The following CCDC6 variants were observed in gnomAD, a reference collection of about 807,000 sequenced individuals.
The protein encoded by CCDC6 is coiled-coil domain-containing protein 6.
A neutral mutation model predicts 56.6 loss-of-function variants in CCDC6; 20 were observed. The observed-to-expected ratio is 0.35, with a 90% CI of 0.25 to 0.51. The LOEUF (loss-of-function observed/expected upper bound fraction) is 0.51, where lower values mean the gene tolerates loss of function less well. Among genes scored for constraint, CCDC6 ranks in the 20% least tolerant of loss-of-function variants. The probability of loss-of-function intolerance (pLI) is 0.95; values close to 1 mark genes in which losing one functional copy is unlikely to be tolerated. For missense variants in CCDC6, 367 were observed against 601.1 expected, an observed-to-expected ratio of 0.61 and a Z score of 4.07; for synonymous variants, 241 against 234.4, an observed-to-expected ratio of 1.03 and a Z score of -0.26.
chr10:59,805,667 G>C (rs931369637), intron 6 of CCDC6: 5 of 152,162 alleles, frequency 3.3e-5, no homozygotes, highest in African/African-American at 1.2e-4. Context: ...ATTTTAGGAA[G>C]AATGGGGAAC....
chr10:59,885,717 T>C (rs1327400669), intron 1 of CCDC6, among the ~76,000 whole-genome samples: 1 of 152,152 alleles, frequency 6.6e-6, no homozygotes, highest in African/African-American at 2.4e-5. Context: ...TTTTTACCAA[T>C]TCTCTTCATG....
intron 3 of CCDC6, among the ~76,000 whole-genome samples, chr10:59,818,054 C>G (rs1459344434): frequency 6.6e-6 from 1 of 151,960 alleles, no homozygotes; most frequent in Non-Finnish European, 1.5e-5. Context: ...ATTGCTGGGT[C>G]CTGTCCAACC....
intron 2 of CCDC6, among the ~76,000 whole-genome samples, chr10:59,844,746 CAAAAAAA>C (rs56232975): frequency 6.1e-4 from 76 of 124,550 alleles, no homozygotes; most frequent in African/African-American, 2.0e-3. Flanking sequence ...AGACTATCTC[CAAAAAAA>C]AAAAAAAAAA....
At chr10:59,888,232 G>A (rs960352932) in intron 1 of CCDC6, among the ~76,000 whole-genome samples, 2 of 152,218 alleles carry the variant, frequency 1.3e-5, no homozygotes. Context: ...ATAGATGCCA[G>A]TCCATCTTCC....
intron 1 of CCDC6, among the ~76,000 whole-genome samples, chr10:59,868,636 C>G (rs553461389): frequency 2.6e-5 from 4 of 152,176 alleles, no homozygotes; most frequent in African/African-American, 7.2e-5. Context: ...TTATTCTTCA[C>G]GCTTTCCTCC....
intron 1 of CCDC6, among the ~76,000 whole-genome samples, chr10:59,886,978 C>G (rs537833117): frequency 6.6e-6 from 1 of 152,308 alleles, no homozygotes; most frequent in Admixed American, 6.5e-5. Flanking sequence ...TGAGAAAACC[C>G]TCTGACAGTG....
chr10:59,813,196 G>T lies in CCDC6; in HGVS notation c.687-401C>A, dbSNP rs16914207. Among the ~76,000 whole-genome samples, 307 of 152,188 alleles carry T rather than the reference G, an allele frequency of 2.0e-3. 3 individuals carry two copies. Among genetic ancestry groups the T allele is most frequent in the African/African-American group, 6.8e-3 (281 of 41,510 alleles). ...TTCCATTTTCTTACGGCTTTTGATTGAAGCTTCTAAGCTACTATGAATCTC... is the reference window on the plus strand; with the variant it reads ...TTCCATTTTCTTACGGCTTTTGATTTAAGCTTCTAAGCTACTATGAATCTC... On this transcript the variant is annotated intron_variant, in intron 4 of 8. Transcript: ENST00000263102.
At position 59,899,764 on chromosome 10, in the gene CCDC6, TAGAA is replaced by T. The variant is rs531734905; in HGVS notation, c.303+6354_303+6357del. ...CCTCCAAGCCCTGCTCAGAAACACT[TAGAA>T]AGGAGAACCTGAAAATACTTTGTCC... On this transcript the variant is annotated intron_variant, in intron 1 of 8. Transcript: ENST00000263102. Among the ~76,000 whole-genome samples the T allele has an allele frequency of 2.2e-3, 339 of 152,228 alleles. 1 individual carries two copies. Among genetic ancestry groups the T allele is most frequent in the Non-Finnish European group, 3.7e-3 (249 of 68,000 alleles).
chr10:59,800,963 C>T lies in CCDC6; in HGVS notation c.1105+3457G>A, dbSNP rs188387642. Among the ~76,000 whole-genome samples, 497 of 152,190 alleles carry T rather than the reference C, an allele frequency of 3.3e-3. 3 individuals are homozygous for T. The highest frequency in any genetic ancestry group is 0.012 in the African/African-American group (487 of 41,508). On this transcript the variant is annotated intron_variant, in intron 7 of 8. Transcript: ENST00000263102. Reference sequence around the variant, plus strand: ...AACTTAAAAAATGATTAATTAAAAGCGACTCATGACTGAGAAAACACACTA... The same window carrying T: ...AACTTAAAAAATGATTAATTAAAAGTGACTCATGACTGAGAAAACACACTA...
intron 1 of CCDC6, among the ~76,000 whole-genome samples, chr10:59,869,836 C>T (rs1004068171): frequency 6.6e-6 from 1 of 152,188 alleles, no homozygotes; most frequent in African/African-American, 2.4e-5. Context: ...CTGCCTGCCT[C>T]TTGCCCCGAC....
chr10:59,885,897 A>T (rs2132678607), intron 1 of CCDC6, among the ~76,000 whole-genome samples: 3 of 138,898 alleles, frequency 2.2e-5, no homozygotes, highest in Admixed American at 7.5e-5. Context: ...CAGTTGTCTG[A>T]TGTCTATTTC....
chr10:59,868,513 A>G (rs1307301311), intron 1 of CCDC6, among the ~76,000 whole-genome samples: 1 of 152,128 alleles, frequency 6.6e-6, no homozygotes, highest in African/African-American at 2.4e-5. Context: ...GAAAGCCTCT[A>G]ATAAAACCCC....
intron 5 of CCDC6, among the ~76,000 whole-genome samples, chr10:59,807,282 C>A (rs1484028299): frequency 1.3e-5 from 2 of 152,038 alleles, no homozygotes; most frequent in African/African-American, 4.8e-5. Context: ...GTCAGGAGTT[C>A]GAGACCAGCC....
intron 1 of CCDC6, among the ~76,000 whole-genome samples, chr10:59,886,536 A>G (rs1229745529): frequency 6.6e-6 from 1 of 152,252 alleles, no homozygotes; most frequent in African/African-American, 2.4e-5. Context: ...AAACAAAAAC[A>G]CAAAAGCAGT....
At chr10:59,807,120 T>C (rs1001970296) in intron 5 of CCDC6, 42 bp from the exon 6 acceptor site, 1 of 1,584,936 alleles carries the variant, frequency 6.3e-7, no homozygotes, top group Non-Finnish European at 8.6e-7. Flanking sequence ...TTTCATGCAA[T>C]CATATCCAAA....
At chr10:59,882,928 C>T (rs1175787077) in intron 1 of CCDC6, among the ~76,000 whole-genome samples, 1 of 151,750 alleles carries the variant, frequency 6.6e-6, no homozygotes, top group Non-Finnish European at 1.5e-5. Flanking sequence ...CCACTGCACT[C>T]CAGCCTGGGC....
intron 1 of CCDC6, among the ~76,000 whole-genome samples, chr10:59,853,427 G>A (rs1018993966): frequency 1.3e-5 from 2 of 152,038 alleles, no homozygotes; most frequent in Non-Finnish European, 1.5e-5. Flanking sequence ...CCAGCTATTC[G>A]GGAGGCTAAG....
intron 7 of CCDC6, among the ~76,000 whole-genome samples, chr10:59,801,064 T>A (rs2070571106): frequency 6.6e-6 from 1 of 152,062 alleles, no homozygotes; most frequent in Admixed American, 6.6e-5. Flanking sequence ...CTGCAAGGGG[T>A]GGGATAGGAG....
At chr10:59,812,058 T>C (rs1015047178) in intron 5 of CCDC6, among the ~76,000 whole-genome samples, 1 of 45,350 alleles carries the variant, frequency 2.2e-5, no homozygotes, top group African/African-American at 9.7e-5. Flanking sequence ...TAAATTTGAA[T>C]AGCCAAAAAA....
Sources: gnomAD v4.1 joint callset for allele counts (sites outside exome capture counted in the v4.1 genomes callset) on GRCh38, gnomAD v4.1.1 for gene constraint, MANE v1.5 for transcripts, NCBI Gene and HGNC (gene_info 2026-07-23, HGNC 2026-07-21) for gene names.